The following DLG2 variants were observed in gnomAD, a reference collection of about 807,000 sequenced individuals.
DLG2 encodes disks large homolog 2.
In DLG2, 45 loss-of-function variants were observed where a neutral mutation model predicts 132.5. The observed-to-expected ratio is 0.34, with a 90% CI of 0.27 to 0.44. The LOEUF (loss-of-function observed/expected upper bound fraction) is 0.44. DLG2 is among the 20% of genes least tolerant of loss of function. The pLI is 1.00. For missense variants in DLG2, 1,045 were observed against 1,196.9 expected, an observed-to-expected ratio of 0.87 and a Z score of 1.87; for synonymous variants, 424 against 419.6, an observed-to-expected ratio of 1.01 and a Z score of -0.13.
At chr11:83,847,353 G>A (rs982765273) in intron 16 of DLG2, among the ~76,000 whole-genome samples, 98 of 152,246 alleles carry the variant, frequency 6.4e-4, no homozygotes, top group African/African-American at 2.1e-3. Flanking sequence ...TACACTTTAT[G>A]AAAGATTTTT....
At chr11:84,340,470 A>G (rs1383846655) in intron 7 of DLG2, among the ~76,000 whole-genome samples, 3 of 152,188 alleles carry the variant, frequency 2.0e-5, no homozygotes, top group African/African-American at 7.2e-5. Flanking sequence ...AAGAGAGAAA[A>G]AAGATACTAC....
At chr11:85,045,836 A>T (rs1201253100) in intron 6 of DLG2, among the ~76,000 whole-genome samples, 1 of 152,090 alleles carries the variant, frequency 6.6e-6, no homozygotes, top group Non-Finnish European at 1.5e-5. Context: ...GGCATTTTGG[A>T]AGAGAAGAAT....
At chr11:85,352,776 C>G (rs186724866) in intron 3 of DLG2, among the ~76,000 whole-genome samples, 2,735 of 152,242 alleles carry the variant, frequency 0.018, 48 homozygotes, top group Admixed American at 0.035. Flanking sequence ...GGAAAACTGG[C>G]TAGCCATATG....
chr11:83,766,011 G>T (rs940096558), intron 18 of DLG2, among the ~76,000 whole-genome samples: 1 of 151,876 alleles, frequency 6.6e-6, no homozygotes, highest in African/African-American at 2.4e-5. Flanking sequence ...TCAGTTACTT[G>T]GATGTTGACA....
chr11:84,737,392 C>T (rs1030991589), intron 6 of DLG2, among the ~76,000 whole-genome samples: 2 of 151,512 alleles, frequency 1.3e-5, no homozygotes, highest in Admixed American at 6.6e-5. Context: ...GCCTGCTCTT[C>T]GATATTTTAG....
intron 6 of DLG2, among the ~76,000 whole-genome samples, chr11:84,831,841 G>A (rs772771489): frequency 3.3e-5 from 5 of 151,574 alleles, no homozygotes; most frequent in Admixed American, 1.3e-4. Context: ...GTGCAGTTTC[G>A]TGGGATGAAC....
intron 22 of DLG2, among the ~76,000 whole-genome samples, chr11:83,473,287 G>A (rs899547163): frequency 1.4e-4 from 21 of 152,142 alleles, no homozygotes; most frequent in African/African-American, 2.6e-4. Context: ...ATATTAATTC[G>A]TCAGGAAAAT....
At chr11:85,523,723 T>A (rs986868046) in intron 3 of DLG2, among the ~76,000 whole-genome samples, 2 of 152,174 alleles carry the variant, frequency 1.3e-5, no homozygotes, top group Non-Finnish European at 2.9e-5. Context: ...GACATCCCAC[T>A]GCTGGGTACA....
intron 3 of DLG2, among the ~76,000 whole-genome samples, chr11:85,288,554 G>A (rs956959604): frequency 7.2e-5 from 11 of 152,042 alleles, no homozygotes; most frequent in Admixed American, 2.0e-4. Context: ...CCCAGCTACT[G>A]AGGAGGTTGA....
intron 6 of DLG2, among the ~76,000 whole-genome samples, chr11:84,849,091 T>C (rs1042947227): frequency 3.3e-5 from 5 of 152,118 alleles, no homozygotes; most frequent in African/African-American, 7.2e-5. Context: ...GAGAAACAAG[T>C]GGAAAGATGA....
chr11:83,879,451 C>T (rs898990614), intron 15 of DLG2, among the ~76,000 whole-genome samples: 1 of 152,128 alleles, frequency 6.6e-6, no homozygotes, highest in African/African-American at 2.4e-5. Context: ...CTCTCTCTTG[C>T]ATATTTGTAT....
intron 11 of DLG2, among the ~76,000 whole-genome samples, chr11:84,048,391 T>A (rs898075178): frequency 2.6e-5 from 4 of 151,590 alleles, no homozygotes; most frequent in Non-Finnish European, 5.9e-5. Context: ...AAATTAGCAC[T>A]AAAAGGAAAA....
At chr11:84,203,089 T>C (rs985191719) in intron 8 of DLG2, among the ~76,000 whole-genome samples, 1 of 151,564 alleles carries the variant, frequency 6.6e-6, no homozygotes, top group Non-Finnish European at 1.5e-5. Context: ...AAAATACCAT[T>C]TGACCGAACA....
At chr11:83,725,888 T>C (rs1457637411) in intron 18 of DLG2, among the ~76,000 whole-genome samples, 1 of 152,172 alleles carries the variant, frequency 6.6e-6, no homozygotes, top group Non-Finnish European at 1.5e-5. Flanking sequence ...GCAGTTCGGT[T>C]TAACAAGGCA....
intron 7 of DLG2, among the ~76,000 whole-genome samples, chr11:84,303,709 A>C (rs2098183051): frequency 6.6e-6 from 1 of 152,240 alleles, no homozygotes; most frequent in African/African-American, 2.4e-5. Context: ...ATAGCACCAC[A>C]GAATTGAATA....
chr11:85,517,539 C>T (rs1373944585), intron 3 of DLG2, among the ~76,000 whole-genome samples: 1 of 151,854 alleles, frequency 6.6e-6, no homozygotes, highest in Non-Finnish European at 1.5e-5. Flanking sequence ...AACCCCAAAG[C>T]TTTGGGAAAC....
chr11:84,333,042 T>C (rs1399014260), intron 7 of DLG2, among the ~76,000 whole-genome samples: 7 of 152,228 alleles, frequency 4.6e-5, no homozygotes, highest in Admixed American at 4.6e-4. Context: ...CTACCACTCA[T>C]GTTCTAGCCC....
chr11:84,059,261 C>G, intron 11 of DLG2, 54 bp downstream of exon 11: 1 of 1,568,904 alleles, frequency 6.4e-7, no homozygotes, highest in Non-Finnish European at 8.7e-7. Flanking sequence ...GTGGCATAAA[C>G]TTCAGTCAGA....
At chr11:85,069,905 A>G (rs1462031061) in intron 6 of DLG2, among the ~76,000 whole-genome samples, 2 of 152,140 alleles carry the variant, frequency 1.3e-5, no homozygotes, top group African/African-American at 4.8e-5. Context: ...AACCAACCCA[A>G]GTGTCCATCA....
Sources: gnomAD v4.1 joint callset for allele counts (sites outside exome capture counted in the v4.1 genomes callset) on GRCh38, gnomAD v4.1.1 for gene constraint, MANE v1.5 for transcripts, NCBI Gene and HGNC (gene_info 2026-07-23, HGNC 2026-07-21) for gene names.